The following DRC4 variants were observed in gnomAD, a reference collection of about 807,000 sequenced individuals.
DRC4 encodes GAS-11.
the DRC4 span, chr16:90,029,470 C>T: frequency 3.0e-5 from 15 of 500,332 alleles, no homozygotes; most frequent in East Asian, 1.1e-3. Flanking sequence ...AATCTCAACA[C>T]CATGTGAGCC....
At chr16:90,020,313 A>AAAAAG in the DRC4 span, among the ~76,000 whole-genome samples, 9 of 151,950 alleles carry the variant, frequency 5.9e-5, no homozygotes, top group South Asian at 4.1e-4. Flanking sequence ...CTCAAAAAAA[A>AAAAAG]AAAAGAAAAG....
the DRC4 span, chr16:90,042,994 A>C: frequency 1.7e-6 from 1 of 575,996 alleles, no homozygotes; most frequent in Non-Finnish European, 3.1e-6. Context: ...AGGAATAGTG[A>C]CAGCCTCTCC....
the DRC4 span, among the ~76,000 whole-genome samples, chr16:90,033,936 G>A: frequency 6.9e-6 from 1 of 145,338 alleles, no homozygotes; most frequent in Non-Finnish European, 1.5e-5. Flanking sequence ...AGAGTGACCA[G>A]GAGGAGACTG....
At chr16:90,025,649 CAAAAAAAA>C in the DRC4 span, among the ~76,000 whole-genome samples, 2 of 45,928 alleles carry the variant, frequency 4.4e-5, no homozygotes, top group Non-Finnish European at 7.6e-5. Flanking sequence ...GACTCTGTCT[CAAAAAAAA>C]AAAAAAAAAA....
the DRC4 span, chr16:90,022,624 T>G: frequency 3.0e-6 from 4 of 1,318,590 alleles, no homozygotes; most frequent in South Asian, 6.3e-5. Context: ...ATCTTGTGAC[T>G]TATCGCGGCA....
At chr16:90,031,347 G>A in the DRC4 span, 1 of 1,613,644 alleles carries the variant, frequency 6.2e-7, no homozygotes, top group South Asian at 1.1e-5. Flanking sequence ...CCGCGAGCGG[G>A]AGGAACGAAA....
the DRC4 span, chr16:90,044,610 C>A: frequency 2.1e-6 from 1 of 471,220 alleles, no homozygotes; most frequent in South Asian, 1.5e-5. Flanking sequence ...CAGTGACCAT[C>A]TGGGTCTGTG....
chr16:90,035,066 G>A, the DRC4 span, among the ~76,000 whole-genome samples: 2 of 152,014 alleles, frequency 1.3e-5, 1 homozygote, highest in South Asian at 4.1e-4. Flanking sequence ...ACCATGCCCG[G>A]CTAATTTTGT....
the DRC4 span, chr16:90,031,338 C>A: frequency 6.2e-7 from 1 of 1,613,440 alleles, no homozygotes; most frequent in Non-Finnish European, 8.5e-7. Flanking sequence ...GGAGCTGGAC[C>A]GCGAGCGGGA....
At chr16:90,023,179 GGA>G in the DRC4 span, among the ~76,000 whole-genome samples, 13 of 152,316 alleles carry the variant, frequency 8.5e-5, no homozygotes, top group Admixed American at 2.6e-4. Flanking sequence ...TCTCCCGGAT[GGA>G]GAGCCTGGGG....
chr16:90,036,400 TAAG>T, the DRC4 span: 48 of 1,607,472 alleles, frequency 3.0e-5, no homozygotes, highest in South Asian at 9.9e-5. Context: ...CCAAGTATGA[TAAG>T]AAGATGAAGA....
chr16:90,031,451 C>T, the DRC4 span: 1 of 1,602,264 alleles, frequency 6.2e-7, no homozygotes, highest in Non-Finnish European at 8.5e-7. Context: ...GGAACAAAGA[C>T]CGGGAGATGG....
chr16:90,021,740 A>G, the DRC4 span, among the ~76,000 whole-genome samples: 1 of 151,570 alleles, frequency 6.6e-6, no homozygotes, highest in Non-Finnish European at 1.5e-5. Context: ...ATGGTGTCTC[A>G]CACCTGTAGT....
chr16:90,043,632 A>G, the DRC4 span: 22 of 575,500 alleles, frequency 3.8e-5, no homozygotes, highest in Non-Finnish European at 5.7e-5. Context: ...ACCTTCTCAG[A>G]GTGCCCCGCA....
chr16:90,029,102 G>A, the DRC4 span: 1 of 1,263,924 alleles, frequency 7.9e-7, no homozygotes, highest in Non-Finnish European at 1.0e-6. Flanking sequence ...TCCCATTCCT[G>A]TGGAGACAGG....
chr16:90,040,435 G>A, the DRC4 span: 1 of 1,612,226 alleles, frequency 6.2e-7, no homozygotes, highest in African/African-American at 1.3e-5. Context: ...GAAGAAGGAG[G>A]TGCAGTTCAA....
At chr16:90,030,257 C>T in the DRC4 span, among the ~76,000 whole-genome samples, 1 of 152,052 alleles carries the variant, frequency 6.6e-6, no homozygotes, top group Admixed American at 6.5e-5. Flanking sequence ...TGTTTAAATG[C>T]TGCTACATCA....
At chr16:90,039,239 C>A in the DRC4 span, among the ~76,000 whole-genome samples, 1 of 152,242 alleles carries the variant, frequency 6.6e-6, no homozygotes, top group South Asian at 2.1e-4. Flanking sequence ...TGGGTTGGAG[C>A]CTTGTTTTCT....
the DRC4 span, chr16:90,043,163 C>G: frequency 2.5e-6 from 4 of 1,587,300 alleles, no homozygotes; most frequent in South Asian, 2.2e-5. Flanking sequence ...GCGTGGGGAC[C>G]CTCAGCTCCC....
Sources: gnomAD v4.1 joint callset for allele counts (sites outside exome capture counted in the v4.1 genomes callset) on GRCh38, gnomAD v4.1.1 for gene constraint, MANE v1.5 for transcripts, NCBI Gene and HGNC (gene_info 2026-07-23, HGNC 2026-07-21) for gene names.